Variants in TAFA5 observed in about 807,000 individuals in gnomAD.
TAFA5 encodes the protein TAFA chemokine like family member 5.
Under a neutral mutation model 15.3 loss-of-function variants are expected in TAFA5, and 6 were observed. The ratio of observed to expected loss-of-function variants is 0.39; its 90% CI spans 0.21 to 0.77. The LOEUF is 0.77. Among genes scored for constraint, TAFA5 ranks in the 30% least tolerant of loss-of-function variants. TAFA5 has a pLI of 0.41. For synonymous variants in TAFA5, 103 were observed against 80.7 expected, an observed-to-expected ratio of 1.28 and a Z score of -1.48; for missense variants, 161 against 193.1, an observed-to-expected ratio of 0.83 and a Z score of 0.98.
At chr22:48,687,593 G>C (rs752390564) in intron 2 of TAFA5, among the ~76,000 whole-genome samples, 2 of 152,090 alleles carry the variant, frequency 1.3e-5, no homozygotes, top group African/African-American at 4.8e-5. Context: ...CTCAGCCTCC[G>C]TGTTAATTTT....
chr22:48,644,482 C>T (rs771571690), intron 1 of TAFA5, among the ~76,000 whole-genome samples: 1 of 152,224 alleles, frequency 6.6e-6, no homozygotes, highest in Non-Finnish European at 1.5e-5. Context: ...GTCTGGTGCC[C>T]ACTAGAGTCA....
At chr22:48,617,837 C>G (rs923396667) in intron 1 of TAFA5, among the ~76,000 whole-genome samples, 16 of 72,058 alleles carry the variant, frequency 2.2e-4, no homozygotes, top group African/African-American at 1.1e-3. Flanking sequence ...CTGTACCACC[C>G]CCTGCCTGGA....
intron 1 of TAFA5, among the ~76,000 whole-genome samples, chr22:48,511,925 G>T (rs1456246033): frequency 6.6e-6 from 1 of 152,262 alleles, no homozygotes; most frequent in Non-Finnish European, 1.5e-5. Context: ...GGGGCTTGCT[G>T]TGGGGAACGG....
chr22:48,712,715 A>C (rs1018542826), intron 3 of TAFA5, among the ~76,000 whole-genome samples: 1 of 151,860 alleles, frequency 6.6e-6, no homozygotes, highest in African/African-American at 2.4e-5. Context: ...GGTTCTCCCG[A>C]GGTGTGAGCA....
chr22:48,489,553 G>A lies in TAFA5; in HGVS notation c.-40G>A. 1 of 1,228,132 alleles carries A rather than the reference G, an allele frequency of 8.1e-7. No homozygotes were observed. 76.1% of individuals were successfully genotyped at this position (1,228,132 alleles called of 1,614,324 possible). The stretch of plus-strand genomic sequence containing the variant: ...GGGGGCGCGGGCAGGGCCGGCTGCT[G>A]AGACGCGCTGCTGCCCCCCGCGCGG... On this transcript the variant is annotated 5_prime_UTR_variant, in exon 1 of 4. Coordinates refer to ENST00000402357, the MANE Select transcript of TAFA5 (RefSeq NM_001082967.3). This position sits in a 1 kb window ranked among gnomAD's most constrained non-coding sequence, Gnocchi z 5.5.
chr22:48,736,367 A>G (rs1188985957), intron 3 of TAFA5, among the ~76,000 whole-genome samples: 6 of 23,334 alleles, frequency 2.6e-4, no homozygotes, highest in African/African-American at 8.6e-4. Flanking sequence ...GCACTCCTAG[A>G]GTCCATCCCC....
chr22:48,647,678 G>A (rs1926914783), intron 2 of TAFA5, among the ~76,000 whole-genome samples: 1 of 152,050 alleles, frequency 6.6e-6, no homozygotes, highest in Non-Finnish European at 1.5e-5. Flanking sequence ...TGGGTAGGGA[G>A]ACCCCTCCCT....
chr22:48,591,248 G>C (rs1218735807), intron 1 of TAFA5, among the ~76,000 whole-genome samples: 1 of 152,238 alleles, frequency 6.6e-6, no homozygotes, highest in East Asian at 1.9e-4. Flanking sequence ...CTTGTCTCTG[G>C]GATGGGCTGT....
chr22:48,651,012 C>T (rs141725846), intron 2 of TAFA5, among the ~76,000 whole-genome samples: 22 of 152,392 alleles, frequency 1.4e-4, no homozygotes, highest in South Asian at 4.1e-4. Flanking sequence ...GCTCACCCAG[C>T]CCTTGCCAGG....
chr22:48,497,938 A>G (rs1343194448), intron 1 of TAFA5, among the ~76,000 whole-genome samples: 1 of 57,388 alleles, frequency 1.7e-5, no homozygotes, highest in East Asian at 4.7e-4. Flanking sequence ...GCCCACCTGG[A>G]GGCGGGGCTG....
chr22:48,532,631 G>C (rs557866301), intron 1 of TAFA5, among the ~76,000 whole-genome samples: 2 of 152,318 alleles, frequency 1.3e-5, no homozygotes, highest in South Asian at 4.2e-4. Flanking sequence ...TGCAGGCATA[G>C]GGTGTGGCCC....
At chr22:48,573,964 TCTGA>T (rs1403892173) in intron 1 of TAFA5, among the ~76,000 whole-genome samples, 16 of 152,180 alleles carry the variant, frequency 1.1e-4, no homozygotes, top group Non-Finnish European at 2.1e-4. Context: ...CCCCGAGTCC[TCTGA>T]CTGGGGAGCC....
chr22:48,693,348 A>C, intron 2 of TAFA5: 1 of 1,612,462 alleles, frequency 6.2e-7, no homozygotes, highest in Non-Finnish European at 8.5e-7. Context: ...GAAAGCACAA[A>C]CACCCGAAAT....
At position 48,566,930 on chromosome 22, in the gene TAFA5, T is replaced by A. The variant is rs1186109014; in HGVS notation, c.112+77226T>A. 6.6e-6 allele frequency among the ~76,000 whole-genome samples: 1 copy of A among 152,190 alleles called. No homozygotes were observed. The highest frequency in any genetic ancestry group is 1.5e-5 in the Non-Finnish European group (1 of 68,030). ...CCGTCAGTGGGTTGGGTTTGTCCTT[T>A]CTCCTTTGCTCCGCAGCACTGCTGC... On this transcript the variant is annotated intron_variant, in intron 1 of 3. Transcript: ENST00000402357. The surrounding 1 kb of genome is among the most constrained non-coding windows in gnomAD (Gnocchi z 4.5).
At chr22:48,703,630 C>T (rs985384542) in intron 2 of TAFA5, among the ~76,000 whole-genome samples, 2 of 152,236 alleles carry the variant, frequency 1.3e-5, no homozygotes, top group South Asian at 2.1e-4. Flanking sequence ...CTGTGGCCTG[C>T]GCCGTATCCA....
chr22:48,575,995 C>T, intron 1 of TAFA5, among the ~76,000 whole-genome samples: 1 of 86,736 alleles, frequency 1.2e-5, no homozygotes, highest in Admixed American at 1.3e-4. Context: ...GAGCAGCGGG[C>T]GGTGGGGGCC....
intron 2 of TAFA5, among the ~76,000 whole-genome samples, chr22:48,694,560 C>A (rs373133980): frequency 3.2e-4 from 49 of 152,022 alleles, no homozygotes; most frequent in African/African-American, 1.2e-3. Flanking sequence ...CCAGGAAGCC[C>A]GGCTGTGTCC....
intron 1 of TAFA5, among the ~76,000 whole-genome samples, chr22:48,591,401 C>T (rs1924562165): frequency 6.6e-6 from 1 of 152,238 alleles, no homozygotes; most frequent in Admixed American, 6.5e-5. Flanking sequence ...GTCCTGCCCG[C>T]TCTCCTCCCA....
chr22:48,607,828 C>A (rs960073005), intron 1 of TAFA5, among the ~76,000 whole-genome samples: 2 of 152,148 alleles, frequency 1.3e-5, no homozygotes, highest in African/African-American at 4.8e-5. Context: ...AAACTCAAAA[C>A]TAAAACTTTC....
Sources: allele counts gnomAD v4.1 joint callset (sites outside exome capture counted in the v4.1 genomes callset), GRCh38; gene constraint gnomAD v4.1.1; non-coding constraint Gnocchi (gnomAD v3.1); transcripts MANE v1.5; gene names NCBI Gene and HGNC (gene_info 2026-07-23, HGNC 2026-07-21).